RXFP2: variants seen among roughly 807,000 people sequenced by gnomAD.
The protein encoded by RXFP2 is relaxin receptor 2.
Under a neutral mutation model 88.6 loss-of-function variants are expected in RXFP2, and 68 were observed. The observed-to-expected ratio is 0.77, with a 90% CI of 0.63 to 0.94. The LOEUF (loss-of-function observed/expected upper bound fraction) is 0.94. RXFP2 is among the 40% of genes least tolerant of loss of function. The probability of loss-of-function intolerance (pLI) is 0.00; values close to 1 mark genes in which losing one functional copy is unlikely to be tolerated. For missense variants in RXFP2, 791 were observed against 893.9 expected (o/e 0.88, Z 1.47); for synonymous variants, 329 against 306.8 (o/e 1.07, Z -0.76).
chr13:31,755,778 T>G (rs1206254139), intron 1 of RXFP2, among the ~76,000 whole-genome samples: 1 of 152,208 alleles, frequency 6.6e-6, no homozygotes, highest in Non-Finnish European at 1.5e-5. Context: ...ACTTGACTGG[T>G]CTTATGCCTA....
chr13:31,747,940 T>C (rs1871494435), intron 1 of RXFP2, among the ~76,000 whole-genome samples: 1 of 152,208 alleles, frequency 6.6e-6, no homozygotes, highest in Non-Finnish European at 1.5e-5. Context: ...CTTAGTATCT[T>C]AATTATCTTA....
At chr13:31,792,538 G>A in intron 15 of RXFP2, 140 bp from the exon 16 acceptor site, 1 of 789,660 alleles carries the variant, frequency 1.3e-6, no homozygotes, top group South Asian at 1.6e-5. Context: ...GTACTCAGAT[G>A]TTTACATTAG....
intron 7 of RXFP2, among the ~76,000 whole-genome samples, chr13:31,776,123 T>C (rs966430076): frequency 2.0e-5 from 3 of 148,400 alleles, no homozygotes; most frequent in African/African-American, 7.7e-5. Flanking sequence ...TCTTTCTTTC[T>C]TTCTTTCTTT....
In RXFP2 at chr13:31,802,929, G is replaced by C. The variant is rs1210257778; in HGVS notation, c.*524G>C. On this transcript the variant is annotated 3_prime_UTR_variant, in exon 18 of 18. Coordinates refer to ENST00000298386, the MANE Select transcript of RXFP2 (RefSeq NM_130806.5). ...AAGTCCTCCTCTGTGAAGGCCGGTG[G>C]AGTAGCCACTTTGAAAACAGAACTT... is the stretch of plus-strand genomic sequence containing the variant. The C allele has an allele frequency of 6.3e-6, 1 of 158,408 alleles. No homozygotes were observed. The allele number at this position is 158,408 out of a possible 1,614,324, so 9.8% of individuals were successfully genotyped here.
chr13:31,755,171 T>C (rs1871882178), intron 1 of RXFP2, among the ~76,000 whole-genome samples: 1 of 152,318 alleles, frequency 6.6e-6, no homozygotes, highest in African/African-American at 2.4e-5. Flanking sequence ...CAGAGAGAAT[T>C]CTAATCCAGG....
intron 17 of RXFP2, among the ~76,000 whole-genome samples, chr13:31,801,617 A>T (rs576518104): frequency 6.6e-6 from 1 of 152,278 alleles, no homozygotes; most frequent in South Asian, 2.1e-4. Flanking sequence ...GGCTGCACAC[A>T]AGAGAATTTC....
At chr13:31,768,167 C>A (rs891764909) in intron 5 of RXFP2, among the ~76,000 whole-genome samples, 3 of 152,196 alleles carry the variant, frequency 2.0e-5, no homozygotes, top group Non-Finnish European at 4.4e-5. Flanking sequence ...TCTAATTCTA[C>A]TTTGTCAGAG....
At chr13:31,777,307 T>C (rs1471615040) in intron 7 of RXFP2, 69 bp from the exon 8 acceptor site, 1 of 1,076,536 alleles carries the variant, frequency 9.3e-7, no homozygotes. Flanking sequence ...GGCCAGGTGT[T>C]GAGGGGAGGC....
At chr13:31,767,240 G>A (rs1023006105) in intron 5 of RXFP2, among the ~76,000 whole-genome samples, 3 of 152,188 alleles carry the variant, frequency 2.0e-5, no homozygotes, top group Admixed American at 2.0e-4. Flanking sequence ...AACCTTGTGT[G>A]AACATCAATA....
intron 3 of RXFP2, among the ~76,000 whole-genome samples, chr13:31,763,492 T>C (rs926826833): frequency 3.9e-5 from 6 of 152,080 alleles, no homozygotes; most frequent in African/African-American, 1.4e-4. Context: ...AAGGACAGCC[T>C]CCCATGACAA....
chr13:31,780,103 G>A (rs1008071549), intron 9 of RXFP2, among the ~76,000 whole-genome samples: 3 of 152,220 alleles, frequency 2.0e-5, no homozygotes, highest in Non-Finnish European at 4.4e-5. Context: ...GTCAGCAGGA[G>A]GTGAGGAACC....
At chr13:31,744,718 G>A (rs1044413939) in intron 1 of RXFP2, among the ~76,000 whole-genome samples, 2 of 129,364 alleles carry the variant, frequency 1.5e-5, no homozygotes, top group East Asian at 4.8e-4. Context: ...GTTTGTTTTT[G>A]TTTTTTTTTT....
chr13:31,786,300 T>A (rs1464410530), intron 11 of RXFP2, 83 bp from the exon 12 acceptor site: 1 of 990,286 alleles, frequency 1.0e-6, no homozygotes, highest in East Asian at 2.4e-5. Flanking sequence ...TTACATCAAA[T>A]GGGATGATGA....
intron 13 of RXFP2, among the ~76,000 whole-genome samples, chr13:31,788,761 G>A (rs763098392): frequency 1.3e-5 from 2 of 151,978 alleles, no homozygotes; most frequent in Non-Finnish European, 2.9e-5. Context: ...CTCTCCGGTT[G>A]GAAAGATCAT....
chr13:31,784,406 C>T (rs916695522), intron 11 of RXFP2, among the ~76,000 whole-genome samples: 1 of 152,186 alleles, frequency 6.6e-6, no homozygotes, highest in African/African-American at 2.4e-5. Flanking sequence ...ACTGTGCCTT[C>T]ATGGCAACAA....
Position 31,802,320 on chromosome 13 carries a change from T to C in RXFP2, c.2180T>C (p.Val727Ala), listed in dbSNP as rs1412331455. 1 of 1,612,364 alleles carries C rather than the reference T, an allele frequency of 6.2e-7. No individual in the cohort carries two copies. Among genetic ancestry groups the C allele is most frequent in the Non-Finnish European group, 8.5e-7 (1 of 1,178,428 alleles). ...IKKKSLSTSI[V>A]WIEDSSSLKL... is the part of the protein sequence containing the mutation. ...AAAAAAAGTTTATCTACATCCATTGTGTGGATAGAGGACTCCTCTTCCCTG... is the reference window on the plus strand; with the variant it reads ...AAAAAAAGTTTATCTACATCCATTGCGTGGATAGAGGACTCCTCTTCCCTG... Residue 727 changes from valine (V) to alanine (A), a missense_variant, in exon 18 of 18, where the codon GTG becomes GCG. Coordinates refer to ENST00000298386, the MANE Select transcript of RXFP2 (RefSeq NM_130806.5).
chr13:31,751,817 C>A (rs992084779), intron 1 of RXFP2, among the ~76,000 whole-genome samples: 1 of 152,184 alleles, frequency 6.6e-6, no homozygotes, highest in Non-Finnish European at 1.5e-5. Flanking sequence ...CCTTCACCCA[C>A]CACACTGCCC....
chr13:31,743,455 G>C (rs558096756), intron 1 of RXFP2, among the ~76,000 whole-genome samples: 16 of 148,762 alleles, frequency 1.1e-4, no homozygotes, highest in African/African-American at 2.9e-4. Flanking sequence ...GCGACAGAGC[G>C]AGACTCTGTC....
intron 7 of RXFP2, among the ~76,000 whole-genome samples, chr13:31,775,880 C>T (rs1872923397): frequency 6.6e-6 from 1 of 152,208 alleles, no homozygotes; most frequent in Non-Finnish European, 1.5e-5. Context: ...GTGCTTTCAC[C>T]AGGAAAATAC....
Sources: allele counts gnomAD v4.1 joint callset (sites outside exome capture counted in the v4.1 genomes callset), GRCh38; gene constraint gnomAD v4.1.1; transcripts MANE v1.5; gene names NCBI Gene and HGNC (gene_info 2026-07-23, HGNC 2026-07-21).